The following UBAP1 variants were observed in gnomAD, a reference collection of about 807,000 sequenced individuals.
The protein encoded by UBAP1 is ubiquitin associated protein 1.
In UBAP1, 5 loss-of-function variants were observed where a neutral mutation model predicts 39.0. The ratio of observed to expected loss-of-function variants is 0.13; its 90% CI spans 0.07 to 0.27. UBAP1 has a LOEUF of 0.27. Among genes scored for constraint, UBAP1 ranks in the 10% least tolerant of loss-of-function variants. The pLI, the probability that UBAP1 is intolerant of heterozygous loss-of-function variation, is 1.00. For synonymous variants in UBAP1, 211 were observed against 225.1 expected, an observed-to-expected ratio of 0.94 and a Z score of 0.56; for missense variants, 490 against 608.1, an observed-to-expected ratio of 0.81 and a Z score of 2.04.
rs1834568508 is a variant in UBAP1, at chr9:34,252,024, A to G, written c.*492A>G. 1 of 155,572 alleles carries G rather than the reference A, an allele frequency of 6.4e-6. No individual in the cohort carries two copies. The highest frequency in any genetic ancestry group is 2.0e-4 in the South Asian group (1 of 5,080). The allele number at this position is 155,572 out of a possible 1,614,324, so 9.6% of individuals were successfully genotyped here. A position where few individuals can be genotyped will look rare whatever the true frequency, so the allele number is the denominator to read the frequency against. On this transcript the variant is annotated 3_prime_UTR_variant, in exon 7 of 7. Transcript: ENST00000297661. ...GGGTTTTATTTTTTCCCCTCCTAAC[A>G]AAGTCTCATAGTGTTAACACTGGTT...
At chr9:34,179,016 T>C (rs759528561), upstream of UBAP1, 14 of 1,256,920 alleles carry the variant, frequency 1.1e-5, no homozygotes, top group South Asian at 1.5e-4. Context: ...GACGCCCAAA[T>C]GAGTGGGGCG....
intron 2 of UBAP1, among the ~76,000 whole-genome samples, chr9:34,233,168 G>C (rs1833514623): frequency 6.7e-6 from 1 of 150,332 alleles, no homozygotes; most frequent in Admixed American, 6.6e-5. Context: ...GCTGCTTAAG[G>C]ATTTCCATGT....
rs748768190 is a variant in UBAP1 at position 34,251,300 on chromosome 9, C to G, written c.1369-92C>G. 16 of 1,368,762 alleles carry G rather than the reference C, an allele frequency of 1.2e-5. No individual in the cohort carries two copies. In the South Asian group the frequency reaches 2.1e-4, roughly 18 times the overall value. The allele number at this position is 1,368,762 out of a possible 1,614,324, so 84.8% of individuals were successfully genotyped here. On this transcript the variant is annotated intron_variant, in intron 6 of 6. Transcript: ENST00000297661. Reference sequence around the variant, plus strand: ...GGGAAGGATGTAGACATTCTGCTCTCCCCCAGTCCCCGTCCCACACACACA... The same window carrying G: ...GGGAAGGATGTAGACATTCTGCTCTGCCCCAGTCCCCGTCCCACACACACA...
chr9:34,228,417 C>CAAAAAAAAAAA (rs1182740329), intron 2 of UBAP1, among the ~76,000 whole-genome samples: 1 of 56,178 alleles, frequency 1.8e-5, no homozygotes. Context: ...GACTTCATCT[C>CAAAAAAAAAAA]AAAAAAAAAA....
intron 1 of UBAP1, among the ~76,000 whole-genome samples, chr9:34,214,690 C>T (rs1832200460): frequency 6.6e-6 from 1 of 152,140 alleles, no homozygotes; most frequent in South Asian, 2.1e-4. Flanking sequence ...GAATAGTCAG[C>T]AGAGTAAACA....
chr9:34,224,340 C>T, intron 2 of UBAP1: 1 of 445,306 alleles, frequency 2.2e-6, no homozygotes, highest in Non-Finnish European at 4.2e-6. Context: ...AGCAATTCTT[C>T]ACCAGGGTCT....
Position 34,179,234 on chromosome 9 carries a change from C to G in UBAP1, c.-14C>G. 2.6e-6 allele frequency: 3 copies of G among 1,139,224 alleles called. No homozygotes were observed. The highest frequency in any genetic ancestry group is 3.2e-6 in the Non-Finnish European group (3 of 933,384). 70.6% of individuals were successfully genotyped at this position (1,139,224 alleles called of 1,614,324 possible). A position where few individuals can be genotyped will look rare whatever the true frequency, so the allele number is the denominator to read the frequency against. ...GCTTCTGAGACGGCGGCAGCAGCGG[C>G]ATTCAGGTGAGGGGGGCCTCCCTCT... is the stretch of plus-strand genomic sequence containing the variant. On this transcript the variant is annotated 5_prime_UTR_variant, in exon 1 of 7. Coordinates refer to ENST00000297661, the MANE Select transcript of UBAP1 (RefSeq NM_016525.5).
intron 3 of UBAP1, among the ~76,000 whole-genome samples, 178 bp downstream of exon 3, chr9:34,234,518 C>T (rs923468783): frequency 9.9e-5 from 15 of 152,108 alleles, no homozygotes; most frequent in African/African-American, 2.9e-4. Flanking sequence ...TGGTGGCTCA[C>T]GCCTGTAATC....
intron 1 of UBAP1, among the ~76,000 whole-genome samples, chr9:34,219,127 C>T (rs1290268344): frequency 2.0e-5 from 3 of 151,576 alleles, no homozygotes; most frequent in African/African-American, 2.4e-5. Flanking sequence ...CTTGCTGTGT[C>T]GCCTAGGCTG....
chr9:34,230,716 G>C (rs1456029416), intron 2 of UBAP1, among the ~76,000 whole-genome samples: 1 of 152,146 alleles, frequency 6.6e-6, no homozygotes, highest in Non-Finnish European at 1.5e-5. Flanking sequence ...ATGGCACCCG[G>C]CACTTTTTTG....
At chr9:34,221,095 G>A (rs1832732275) in intron 2 of UBAP1, 147 bp downstream of exon 2, 1 of 693,940 alleles carries the variant, frequency 1.4e-6, no homozygotes, top group South Asian at 1.8e-5. Flanking sequence ...AATGTATCAA[G>A]TATATCTGAA....
chr9:34,181,091 T>C (rs1391654263), intron 1 of UBAP1, among the ~76,000 whole-genome samples: 1 of 147,000 alleles, frequency 6.8e-6, no homozygotes, highest in East Asian at 2.1e-4. Context: ...ATTACAGGCG[T>C]GAGCCACCGC....
intron 1 of UBAP1, among the ~76,000 whole-genome samples, chr9:34,194,270 A>G (rs1193241468): frequency 6.6e-6 from 1 of 151,636 alleles, no homozygotes; most frequent in Non-Finnish European, 1.5e-5. Context: ...TGTAATAGCT[A>G]TTTTGAAAAG....
intron 1 of UBAP1, among the ~76,000 whole-genome samples, chr9:34,185,779 G>A (rs1830375045): frequency 6.6e-6 from 1 of 152,164 alleles, no homozygotes; most frequent in South Asian, 2.1e-4. Flanking sequence ...CTGGGAGGCG[G>A]TGGTGGCAGT....
Position 34,250,718 on chromosome 9 carries a change from G to A in UBAP1, c.1327G>A (p.Val443Met). ...TGAGAAGGGCTTCGACCCTCTTTTAGTGGAAGAGGCTCTGGAAATGCACCA... is the reference window on the plus strand; with the variant it reads ...TGAGAAGGGCTTCGACCCTCTTTTAATGGAAGAGGCTCTGGAAATGCACCA... ...LCEKGFDPLL[V>M]EEALEMHQCS... is the part of the protein sequence containing the mutation. Residue 443 changes from valine to methionine, a missense_variant, in exon 6 of 7, where the codon GTG becomes ATG. By Grantham distance (21) the Val-to-Met change is conservative. Around this residue, in one of 3 missense-constraint regions of UBAP1, gnomAD observed 339 missense variants for 390.0 expected, o/e 0.87. Coordinates refer to ENST00000297661, the MANE Select transcript of UBAP1 (RefSeq NM_016525.5). 1.2e-6 allele frequency: 2 copies of A among 1,613,756 alleles called. No individual in the cohort carries two copies. The highest frequency in any genetic ancestry group is 8.5e-7 in the Non-Finnish European group (1 of 1,179,716).
intron 1 of UBAP1, among the ~76,000 whole-genome samples, chr9:34,199,802 ATTTTTTTTT>A (rs34239421): frequency 8.4e-6 from 1 of 119,690 alleles, no homozygotes; most frequent in East Asian, 2.5e-4. Context: ...TGCCTGGCTG[ATTTTTTTTT>A]TTTTTTTTTT....
At chr9:34,182,763 TACAGTGGCTCGATCTCTGCTC>T (rs1830163605) in intron 1 of UBAP1, among the ~76,000 whole-genome samples, 1 of 151,246 alleles carries the variant, frequency 6.6e-6, no homozygotes, top group Admixed American at 6.6e-5. Context: ...CAGGCTGGGG[TACAGTGGCTCGATCTCTGCTC>T]ACTGCAAGCT....
At chr9:34,219,814 TC>T (rs1436230501) in intron 1 of UBAP1, among the ~76,000 whole-genome samples, 6 of 23,542 alleles carry the variant, frequency 2.5e-4, no homozygotes, top group Admixed American at 9.1e-4. Context: ...CCCTCTCCCC[TC>T]CCCCTTCCCT....
intron 1 of UBAP1, among the ~76,000 whole-genome samples, chr9:34,203,379 A>G (rs946671333): frequency 2.0e-5 from 3 of 152,146 alleles, no homozygotes; most frequent in African/African-American, 7.2e-5. Flanking sequence ...TTTCTCTGTC[A>G]GTTTTTGGTA....
Sources: gnomAD v4.1 joint callset for allele counts (sites outside exome capture counted in the v4.1 genomes callset) on GRCh38, gnomAD v4.1.1 for gene constraint, gnomAD v4.1.1 regional missense constraint, MANE v1.5 for transcripts, NCBI Gene and HGNC (gene_info 2026-07-23, HGNC 2026-07-21) for gene names.